The following SLC25A21 variants were observed in gnomAD, a reference collection of about 807,000 sequenced individuals.
The protein encoded by SLC25A21 is solute carrier family 25 member 21, also known as mitochondrial 2-oxodicarboxylate carrier.
Under a neutral mutation model 43.8 loss-of-function variants are expected in SLC25A21, and 47 were observed. That is an observed-to-expected ratio of 1.07 (90% CI 0.85 to 1.37). The LOEUF (loss-of-function observed/expected upper bound fraction) is 1.37. Ranked by LOEUF, SLC25A21 falls within the 40% of genes most tolerant of loss-of-function variation. The probability of loss-of-function intolerance (pLI) is 0.00; values close to 1 mark genes in which losing one functional copy is unlikely to be tolerated. For missense variants in SLC25A21, 352 were observed against 350.2 expected (o/e 1.00, Z -0.04); for synonymous variants, 131 against 121.3 (o/e 1.08, Z -0.52).
At chr14:37,106,810 T>C (rs769833494) in intron 1 of SLC25A21, among the ~76,000 whole-genome samples, 37 of 152,200 alleles carry the variant, frequency 2.4e-4, no homozygotes, top group Non-Finnish European at 4.6e-4. Context: ...CCTACCGATA[T>C]GTGATATCAC....
intron 6 of SLC25A21, among the ~76,000 whole-genome samples, chr14:36,718,078 AACTC>A (rs1183158221): frequency 6.6e-6 from 1 of 152,168 alleles, no homozygotes; most frequent in African/African-American, 2.4e-5. Flanking sequence ...TAAAGGGAAA[AACTC>A]ACATAAGGCA....
chr14:36,722,944 T>C (rs1350426706), intron 6 of SLC25A21, among the ~76,000 whole-genome samples: 6 of 152,178 alleles, frequency 3.9e-5, no homozygotes, highest in African/African-American at 1.4e-4. Context: ...CCTTTTATAC[T>C]TAACAACCCA....
intron 7 of SLC25A21, among the ~76,000 whole-genome samples, chr14:36,696,393 G>A (rs1273539024): frequency 6.6e-6 from 1 of 152,168 alleles, no homozygotes; most frequent in East Asian, 1.9e-4. Flanking sequence ...TCTCTGCCAG[G>A]CTTTGGTATC....
At chr14:36,970,260 C>A (rs1418901833) in intron 1 of SLC25A21, among the ~76,000 whole-genome samples, 1 of 152,118 alleles carries the variant, frequency 6.6e-6, no homozygotes, top group Non-Finnish European at 1.5e-5. Context: ...TCCCTTCTCT[C>A]CTTGAGGTCT....
At chr14:36,923,147 A>T (rs1892027951) in intron 1 of SLC25A21, among the ~76,000 whole-genome samples, 1 of 152,144 alleles carries the variant, frequency 6.6e-6, no homozygotes, top group Admixed American at 6.6e-5. Flanking sequence ...AAAAAAGAAA[A>T]AGACCAATAC....
chr14:37,060,037 G>C (rs370664199), intron 1 of SLC25A21, among the ~76,000 whole-genome samples: 1 of 152,002 alleles, frequency 6.6e-6, no homozygotes, highest in East Asian at 1.9e-4. Flanking sequence ...TTAACTCTGT[G>C]CTATGGAATA....
At chr14:36,941,131 T>C (rs1327012392) in intron 1 of SLC25A21, among the ~76,000 whole-genome samples, 3 of 151,916 alleles carry the variant, frequency 2.0e-5, no homozygotes, top group Admixed American at 1.3e-4. Context: ...CACTATTTAG[T>C]ATCAAACCAA....
At chr14:36,752,627 C>T (rs1197657216) in intron 3 of SLC25A21, among the ~76,000 whole-genome samples, 2 of 152,138 alleles carry the variant, frequency 1.3e-5, no homozygotes, top group African/African-American at 2.4e-5. Context: ...AAGCCAGACA[C>T]AAAAAGACAA....
At chr14:36,826,111 C>A (rs935468818) in intron 2 of SLC25A21, among the ~76,000 whole-genome samples, 29 of 152,182 alleles carry the variant, frequency 1.9e-4, no homozygotes, top group Non-Finnish European at 1.0e-4. Flanking sequence ...AAGACACCAA[C>A]TCTCTCACAG....
rs184397443 is a variant in SLC25A21, at chr14:36,979,671, T to A, written c.71-104667A>T. ...ATGCCCAGCCAAAGGTAGTATTTTTTAAACTTTGCTTACACTGTCTAAATA... is the reference window on the plus strand; with the variant it reads ...ATGCCCAGCCAAAGGTAGTATTTTTAAAACTTTGCTTACACTGTCTAAATA... On this transcript the variant is annotated intron_variant, in intron 1 of 9. Coordinates refer to ENST00000331299, the MANE Select transcript of SLC25A21 (RefSeq NM_030631.4). Among the ~76,000 whole-genome samples the A allele has an allele frequency of 1.6e-3, 237 of 152,318 alleles. 1 individual carries two copies. Among genetic ancestry groups the A allele is most frequent in the African/African-American group, 5.4e-3 (225 of 41,580 alleles).
chr14:36,922,025 A>T (rs1891992895), intron 1 of SLC25A21, among the ~76,000 whole-genome samples: 1 of 151,964 alleles, frequency 6.6e-6, no homozygotes, highest in South Asian at 2.1e-4. Context: ...CATGCCTGTA[A>T]TCGCAGCTAC....
intron 1 of SLC25A21, among the ~76,000 whole-genome samples, chr14:36,881,484 A>G (rs1172670676): frequency 6.6e-6 from 1 of 152,178 alleles, no homozygotes; most frequent in African/African-American, 2.4e-5. Context: ...AAACCACATC[A>G]AAAGTATCAC....
At chr14:37,088,708 T>C (rs1962528771) in intron 1 of SLC25A21, among the ~76,000 whole-genome samples, 1 of 152,206 alleles carries the variant, frequency 6.6e-6, no homozygotes, top group African/African-American at 2.4e-5. Context: ...AAATGCCAAT[T>C]ACAGGGCATA....
At chr14:36,926,203 A>G (rs981468730) in intron 1 of SLC25A21, among the ~76,000 whole-genome samples, 2 of 152,216 alleles carry the variant, frequency 1.3e-5, no homozygotes, top group African/African-American at 4.8e-5. Flanking sequence ...AATAGTAGAC[A>G]AAAATGATCT....
At chr14:36,684,153 T>G (rs1882421150) in intron 8 of SLC25A21, among the ~76,000 whole-genome samples, 1 of 152,226 alleles carries the variant, frequency 6.6e-6, no homozygotes, top group Admixed American at 6.5e-5. Flanking sequence ...CAGGTCTTAC[T>G]TTCAAGACAG....
At chr14:36,744,307 C>T (rs1490252898) in intron 3 of SLC25A21, among the ~76,000 whole-genome samples, 1 of 152,030 alleles carries the variant, frequency 6.6e-6, no homozygotes, top group African/African-American at 2.4e-5. Flanking sequence ...GCTATAATAA[C>T]CAAAACAGCA....
chr14:36,678,793 A>G lies in SLC25A21; in HGVS notation c.*1865T>C. 1 of 1,028,586 alleles carries G rather than the reference A, an allele frequency of 9.7e-7. No individual in the cohort carries two copies. The highest frequency in any genetic ancestry group is 1.2e-6 in the Non-Finnish European group (1 of 847,782). 63.7% of individuals were successfully genotyped at this position (1,028,586 alleles called of 1,614,324 possible). A position where few individuals can be genotyped will look rare whatever the true frequency, so the allele number is the denominator to read the frequency against. ...AAAAAATCTAATATTAATGGTATTG[A>G]AGTTTCCTTTTCTCCCTCTAGGTCT... is the stretch of plus-strand genomic sequence containing the variant. On this transcript the variant is annotated 3_prime_UTR_variant, in exon 10 of 10. Coordinates refer to ENST00000331299, the MANE Select transcript of SLC25A21 (RefSeq NM_030631.4).
At chr14:36,926,593 C>G (rs1313696535) in intron 1 of SLC25A21, among the ~76,000 whole-genome samples, 2 of 152,074 alleles carry the variant, frequency 1.3e-5, no homozygotes, top group African/African-American at 4.8e-5. Context: ...GAGAGGACAA[C>G]ACTGGTGATG....
intron 1 of SLC25A21, among the ~76,000 whole-genome samples, chr14:37,030,979 T>C (rs1341512009): frequency 6.6e-6 from 1 of 152,210 alleles, no homozygotes; most frequent in East Asian, 1.9e-4. Flanking sequence ...AATGGGAATT[T>C]CCAAAGATTG....
Sources: gnomAD v4.1 joint callset for allele counts (sites outside exome capture counted in the v4.1 genomes callset) on GRCh38, gnomAD v4.1.1 for gene constraint, MANE v1.5 for transcripts, NCBI Gene and HGNC (gene_info 2026-07-23, HGNC 2026-07-21) for gene names.